MCF2: variants seen among roughly 807,000 people sequenced by gnomAD.
The protein encoded by MCF2 is proto-oncogene DBL.
MCF2 carries 44 observed loss-of-function variants against 82.5 expected under a neutral mutation model. The ratio of observed to expected loss-of-function variants is 0.53; its 90% CI spans 0.42 to 0.69. The LOEUF (loss-of-function observed/expected upper bound fraction) is 0.69. Ranked by LOEUF, MCF2 falls within the 30% of genes least tolerant of loss-of-function variation. The pLI is 0.00. For synonymous variants in MCF2, 217 were observed against 224.9 expected (o/e 0.96, Z 0.32); for missense variants, 623 against 663.1 (o/e 0.94, Z 0.66).
intron 12 of MCF2, among the ~76,000 whole-genome samples, chrX:139,606,548 G>A (rs1354846860): frequency 1.8e-5 from 2 of 110,559 alleles, no homozygotes; most frequent in Non-Finnish European, 3.8e-5. Flanking sequence ...TGGTAGAGAC[G>A]GGGTTTCACC....
intron 16 of MCF2, among the ~76,000 whole-genome samples, chrX:139,600,953 T>C (rs534104071): frequency 1.3e-4 from 15 of 111,654 alleles, no homozygotes; most frequent in African/African-American, 4.5e-4. Context: ...CATCTTTGTA[T>C]AGATGAATGA....
chrX:139,671,305 C>A (rs748699011), intron 1 of MCF2, among the ~76,000 whole-genome samples: 1 of 112,032 alleles, frequency 8.9e-6, no homozygotes, highest in African/African-American at 3.2e-5. Flanking sequence ...TGTGCAGAAG[C>A]TCTTTAGTTT....
exon 20 of MCF2, chrX:139,589,909 T>C (rs1226807032): frequency 1.7e-6 from 2 of 1,165,920 alleles, no homozygotes; most frequent in Non-Finnish European, 2.3e-6. Flanking sequence ...ACATATTCAG[T>C]GATTCCAACT....
chrX:139,597,242 T>C (rs753311185), intron 18 of MCF2, among the ~76,000 whole-genome samples: 2 of 111,260 alleles, frequency 1.8e-5, no homozygotes, highest in Admixed American at 9.6e-5. Flanking sequence ...AGGTCTGGGA[T>C]TGGGGGAAGA....
At chrX:139,656,911 G>C (rs1934216469) in intron 1 of MCF2, among the ~76,000 whole-genome samples, 2 of 111,940 alleles carry the variant, frequency 1.8e-5, no homozygotes, top group Non-Finnish European at 3.8e-5. Context: ...GTTCCTTGTT[G>C]ACTAGATTTA....
intron 8 of MCF2, 110 bp downstream of exon 11, chrX:139,617,403 G>A (rs1322782305): frequency 3.8e-6 from 2 of 519,791 alleles, no homozygotes; most frequent in African/African-American, 4.8e-5. Context: ...TAACCTCTGA[G>A]AAGATGAAAA....
intron 1 of MCF2, among the ~76,000 whole-genome samples, chrX:139,681,741 T>G (rs1935003660): frequency 8.9e-6 from 1 of 111,910 alleles, no homozygotes; most frequent in African/African-American, 3.2e-5. Context: ...TTTATTTACT[T>G]GTTCACCATA....
chrX:139,647,548 T>C (rs1237348413), upstream of MCF2, among the ~76,000 whole-genome samples: 1 of 111,583 alleles, frequency 9.0e-6, no homozygotes, highest in African/African-American at 3.3e-5. Context: ...GCCATTAACC[T>C]GGAGCAGTTG....
At chrX:139,695,310 G>A (rs1378762614) in intron 1 of MCF2, among the ~76,000 whole-genome samples, 3 of 111,848 alleles carry the variant, frequency 2.7e-5, no homozygotes, top group Non-Finnish European at 5.6e-5. Flanking sequence ...GATTACAGGC[G>A]TGAGCCATCG....
At chrX:139,585,948 C>T (rs1264517115) in intron 23 of MCF2, among the ~76,000 whole-genome samples, 1 of 111,968 alleles carries the variant, frequency 8.9e-6, no homozygotes, top group Admixed American at 9.5e-5. Flanking sequence ...ATTAAACCAA[C>T]GGTAAGTGAA....
intron 11 of MCF2, among the ~76,000 whole-genome samples, chrX:139,609,600 G>A (rs1026633457): frequency 1.1e-4 from 12 of 110,865 alleles, no homozygotes; most frequent in African/African-American, 3.9e-4. Flanking sequence ...TAGCTATGAT[G>A]AGTCTACTTC....
intron 13 of MCF2, among the ~76,000 whole-genome samples, chrX:139,605,213 C>A (rs1290290932): frequency 9.6e-6 from 1 of 104,310 alleles, no homozygotes; most frequent in African/African-American, 3.5e-5. Context: ...GTTTTCCAAT[C>A]AAATAGGCAG....
In MCF2 at chrX:139,707,020, G is replaced by A. The variant is rs143773549; in HGVS notation, c.-45+1086C>T. Among the ~76,000 whole-genome samples the A allele has an allele frequency of 5.1e-4, 56 of 110,279 alleles. No individual in the cohort carries two copies. In the East Asian group the frequency reaches 8.0e-3, roughly 16 times the overall value. The stretch of plus-strand genomic sequence containing the variant: ...CAATGAATCTAGGAAATAATGATCC[G>A]ATACAGGAGCACAGACAAAGGGAAT... On this transcript the variant is annotated intron_variant, in intron 1 of 27. Transcript: ENST00000414978.
intron 1 of MCF2, among the ~76,000 whole-genome samples, chrX:139,642,072 A>T (rs934936726): frequency 4.5e-5 from 5 of 111,333 alleles, no homozygotes; most frequent in African/African-American, 1.6e-4. Context: ...TCCCCTCCAG[A>T]CCTATCCATG....
intron 1 of MCF2, among the ~76,000 whole-genome samples, chrX:139,687,177 C>T (rs1339348411): frequency 9.0e-6 from 1 of 111,467 alleles, no homozygotes; most frequent in Non-Finnish European, 1.9e-5. Flanking sequence ...CTGACTGCCC[C>T]CTCTTCCTGA....
chrX:139,586,232 T>A (rs1305915521), intron 23 of MCF2, 146 bp downstream of exon 27: 5 of 451,943 alleles, frequency 1.1e-5, no homozygotes, highest in Non-Finnish European at 2.0e-5. Context: ...GTGTCCTGCA[T>A]ATGCAAGACA....
At chrX:139,591,555 C>T (rs1453256868) in intron 19 of MCF2, among the ~76,000 whole-genome samples, 1 of 111,084 alleles carries the variant, frequency 9.0e-6, no homozygotes, top group Non-Finnish European at 1.9e-5. Context: ...ATCTGGTCAA[C>T]TTTGACTTTA....
intron 1 of MCF2, among the ~76,000 whole-genome samples, chrX:139,687,910 C>T (rs754308505): frequency 1.8e-5 from 2 of 111,722 alleles, no homozygotes; most frequent in South Asian, 7.6e-4. Flanking sequence ...GAGGTAGATT[C>T]CCCACAGGCC....
chrX:139,655,920 T>A (rs1934181902), intron 1 of MCF2, among the ~76,000 whole-genome samples: 1 of 112,337 alleles, frequency 8.9e-6, no homozygotes, highest in Non-Finnish European at 1.9e-5. Context: ...GTGGCAAAAG[T>A]GGGCATCCTT....
Sources: allele counts gnomAD v4.1 joint callset (sites outside exome capture counted in the v4.1 genomes callset), GRCh38; gene constraint gnomAD v4.1.1; transcripts MANE v1.5; gene names NCBI Gene and HGNC (gene_info 2026-07-23, HGNC 2026-07-21).